The following ITGAE variants were observed in gnomAD, a reference collection of about 807,000 sequenced individuals.
The protein encoded by ITGAE is integrin alpha-E.
A neutral mutation model predicts 136.5 loss-of-function variants in ITGAE; 99 were observed. The observed-to-expected ratio is 0.73, with a 90% CI of 0.62 to 0.86. The LOEUF (loss-of-function observed/expected upper bound fraction) is 0.86. Ranked by LOEUF, ITGAE falls within the 40% of genes least tolerant of loss-of-function variation. ITGAE has a pLI of 0.00. For missense variants in ITGAE, 1,447 were observed against 1,515.3 expected (o/e 0.95, Z 0.75); for synonymous variants, 613 against 591.8 (o/e 1.04, Z -0.52).
intron 24 of ITGAE, among the ~76,000 whole-genome samples, chr17:3,728,929 G>A (rs568776413): frequency 1.3e-5 from 2 of 151,712 alleles, no homozygotes; most frequent in Non-Finnish European, 2.9e-5. Context: ...TCAACTACTC[G>A]GGAGGCTGAG....
At chr17:3,723,074 C>T (rs2051091092) in intron 28 of ITGAE, among the ~76,000 whole-genome samples, 2 of 152,192 alleles carry the variant, frequency 1.3e-5, no homozygotes, top group South Asian at 4.1e-4. Flanking sequence ...AAAGAGGAGT[C>T]ACAGGTAATC....
chr17:3,719,311 G>A (rs1254923976), intron 29 of ITGAE, among the ~76,000 whole-genome samples: 8 of 150,664 alleles, frequency 5.3e-5, no homozygotes, highest in Non-Finnish European at 1.0e-4. Flanking sequence ...ATGTTATATT[G>A]GCATGTCTAG....
chr17:3,781,122 G>GATA (rs2052657260), intron 1 of ITGAE, among the ~76,000 whole-genome samples: 1 of 152,266 alleles, frequency 6.6e-6, no homozygotes, highest in South Asian at 2.1e-4. Context: ...TTATTTGTAA[G>GATA]AGCTTTTCTC....
chr17:3,751,702 C>T lies in ITGAE; in HGVS notation c.1841G>A (p.Ser614Asn). 1 of 1,614,052 alleles carries T rather than the reference C, an allele frequency of 6.2e-7. No homozygotes were observed. Among genetic ancestry groups the T allele is most frequent in the Non-Finnish European group, 8.5e-7 (1 of 1,179,972 alleles). The change falls in exon 15 of 31, where the codon AGT (serine) becomes AAT (asparagine). Residue 614 changes from serine to asparagine, a missense_variant. Physicochemically the swap from Ser to Asn is conservative, Grantham distance 46. This residue lies in a region of ITGAE where 1,031 missense variants were observed against 1,011.4 expected (regional missense o/e 1.02). Transcript: ENST00000263087. ...CCAGTGTCCATTGTAGATATACACA[C>T]TGCCGAAGCTGGCACCATCATCTGC... is the stretch of plus-strand genomic sequence containing the variant. ...FGADDGASFG[S>N]VYIYNGHWDG...
In ITGAE at chr17:3,747,974, C is replaced by T; in HGVS notation, c.2103G>A (p.Val701=). Residue 701 remains valine (V), a synonymous_variant, in exon 17 of 31, where the codon GTG becomes GTA. Coordinates refer to ENST00000263087, the MANE Select transcript of ITGAE (RefSeq NM_002208.5). ...SALPIGFNGV[V]NVRLCFEISS... ...TGATTTCAAAACATAAACGGACATT[C>T]ACGACGCCGTTGAAGCCGATGGGCA... 1.2e-6 allele frequency: 2 copies of T among 1,613,398 alleles called. No homozygotes were observed. Among genetic ancestry groups the T allele is most frequent in the Admixed American group, 1.7e-5 (1 of 59,994 alleles).
intron 6 of ITGAE, 143 bp from the exon 7 acceptor site, chr17:3,760,430 CTTT>C (rs1208333239): frequency 7.0e-3 from 449 of 64,082 alleles, no homozygotes; most frequent in South Asian, 0.042. Context: ...AAGAGGGAAG[CTTT>C]TTTTTTTTTT....
In ITGAE at chr17:3,723,293, C is replaced by G; in HGVS notation, c.3232G>C (p.Glu1078Gln). 6.2e-7 allele frequency: 1 copy of G among 1,607,988 alleles called. No homozygotes were observed. The part of the protein sequence containing the change: ...VAAEISWDHS[E>Q]ELLKDVTELQ... ...AGCATTTCAGTCTCAAACACCTCCT[C>G]AGAGTGATCCCAGGAGATCTCTGCA... Residue 1078 changes from glutamate (E) to glutamine (Q), a missense_variant, in exon 28 of 31, where the codon GAG becomes CAG. Physicochemically the swap from Glu to Gln is conservative, Grantham distance 29. Around this residue, in one of 3 missense-constraint regions of ITGAE, gnomAD observed 1,031 missense variants for 1,011.4 expected, o/e 1.02. Transcript: ENST00000263087.
intron 18 of ITGAE, 58 bp from the exon 19 acceptor site, chr17:3,743,675 C>T (rs2051640202): frequency 2.4e-6 from 3 of 1,240,916 alleles, no homozygotes; most frequent in South Asian, 2.7e-5. Context: ...AAGATGACAA[C>T]AATAATGCTT....
At chr17:3,749,534 GAGCCA>G in intron 16 of ITGAE, among the ~76,000 whole-genome samples, 1 of 152,286 alleles carries the variant, frequency 6.6e-6, no homozygotes, top group South Asian at 2.1e-4. Context: ...TTACAGGTGT[GAGCCA>G]CTGCGCCCAG....
At chr17:3,757,886 G>C in intron 8 of ITGAE, 27 bp from the exon 9 acceptor site, 20 of 1,613,000 alleles carry the variant, frequency 1.2e-5, no homozygotes, top group Non-Finnish European at 1.7e-5. Flanking sequence ...AAATGAAGAA[G>C]AGAGCTTTGC....
At chr17:3,748,691 C>T (rs1200866418) in intron 16 of ITGAE, among the ~76,000 whole-genome samples, 1 of 152,164 alleles carries the variant, frequency 6.6e-6, no homozygotes, top group Admixed American at 6.5e-5. Context: ...GATTTGTTAA[C>T]AAGAAAGAGC....
intron 22 of ITGAE, among the ~76,000 whole-genome samples, chr17:3,731,520 T>C (rs1376144499): frequency 1.3e-5 from 2 of 151,708 alleles, no homozygotes; most frequent in Non-Finnish European, 2.9e-5. Flanking sequence ...TTTTGTATTC[T>C]TAGTAGAGAC....
At chr17:3,716,485 T>C (rs1429288671) in intron 30 of ITGAE, among the ~76,000 whole-genome samples, 2 of 152,210 alleles carry the variant, frequency 1.3e-5, no homozygotes, top group East Asian at 3.8e-4. Flanking sequence ...AAAATCACTC[T>C]TTATAACTCA....
chr17:3,747,515 T>C (rs770283217), intron 17 of ITGAE, among the ~76,000 whole-genome samples: 2 of 152,170 alleles, frequency 1.3e-5, no homozygotes, highest in Non-Finnish European at 2.9e-5. Flanking sequence ...TTCACCATGT[T>C]AGGCAGGATG....
intron 2 of ITGAE, among the ~76,000 whole-genome samples, chr17:3,773,088 C>T (rs1484561784): frequency 2.0e-5 from 3 of 152,198 alleles, no homozygotes; most frequent in East Asian, 1.9e-4. Flanking sequence ...CCTGTGCTTT[C>T]GACCAAACAA....
chr17:3,732,184 G>A (rs2051360225), intron 22 of ITGAE, among the ~76,000 whole-genome samples, 184 bp downstream of exon 22: 1 of 152,162 alleles, frequency 6.6e-6, no homozygotes, highest in Non-Finnish European at 1.5e-5. Flanking sequence ...GCTGTGTACT[G>A]GAAAGCTCTC....
chr17:3,732,321 C>A, intron 22 of ITGAE, 47 bp downstream of exon 22: 1 of 1,399,084 alleles, frequency 7.1e-7, no homozygotes, highest in Non-Finnish European at 1.0e-6. Flanking sequence ...GCAGAAGACG[C>A]CAACTGCAGG....
intron 3 of ITGAE, among the ~76,000 whole-genome samples, chr17:3,763,039 T>C (rs1451210521): frequency 6.6e-6 from 1 of 152,078 alleles, no homozygotes; most frequent in Non-Finnish European, 1.5e-5. Context: ...ATTGTAGGCA[T>C]GCACCACCAC....
chr17:3,743,448 G>C (rs770490555), intron 19 of ITGAE, 41 bp downstream of exon 19: 8 of 1,531,370 alleles, frequency 5.2e-6, no homozygotes, highest in Non-Finnish European at 6.1e-6. Flanking sequence ...CTGTGGGATA[G>C]GCTCTTAAGA....
Sources: gnomAD v4.1 joint callset for allele counts (sites outside exome capture counted in the v4.1 genomes callset) on GRCh38, gnomAD v4.1.1 for gene constraint, gnomAD v4.1.1 regional missense constraint, MANE v1.5 for transcripts, NCBI Gene and HGNC (gene_info 2026-07-23, HGNC 2026-07-21) for gene names.